Variants in MAP3K2 observed in about 807,000 individuals in gnomAD.
MAP3K2 encodes mitogen-activated protein kinase kinase kinase 2, also known as MAP/ERK kinase kinase 2.
In MAP3K2, 24 loss-of-function variants were observed where a neutral mutation model predicts 80.3. That is an observed-to-expected ratio of 0.30 (90% CI 0.22 to 0.42). The LOEUF is 0.42. Among genes scored for constraint, MAP3K2 ranks in the 10% least tolerant of loss-of-function variants. The pLI is 1.00. For missense variants in MAP3K2, 608 were observed against 750.1 expected (o/e 0.81, Z 2.21); for synonymous variants, 244 against 253.7 (o/e 0.96, Z 0.36).
In MAP3K2 at chr2:127,321,907, C is replaced by T. The variant is rs7591595; in HGVS notation, c.1045+139G>A. ...ATGCTTATACCTGACATTCCAACCA[C>T]CTTTAGAAACACCATTATTACCTTT... On this transcript the variant is annotated intron_variant, in intron 12 of 16. Coordinates refer to ENST00000682094, the MANE Select transcript of MAP3K2 (RefSeq NM_001371910.2). This position sits in a 1 kb window ranked among gnomAD's most constrained non-coding sequence, Gnocchi z 4.4. 27,350 of 696,510 alleles carry T rather than the reference C, an allele frequency of 0.039. 700 individuals are homozygous for T. Among genetic ancestry groups the T allele is most frequent in the Middle Eastern group, 0.057 (139 of 2,448 alleles). The allele number at this position is 696,510 out of a possible 1,614,324, so 43.1% of individuals were successfully genotyped here. A position where few individuals can be genotyped will look rare whatever the true frequency, so the allele number is the denominator to read the frequency against.
chr2:127,304,863 C>T lies in MAP3K2; in HGVS notation c.*2716G>A, dbSNP rs961811934. ...TTAACTTTTATTGTGGTTTTTGGTA[C>T]CTTCACAACTTGTTTGAAATAAATT... is the stretch of plus-strand genomic sequence containing the variant. On this transcript the variant is annotated 3_prime_UTR_variant, in exon 17 of 17. Transcript: ENST00000682094. The T allele has an allele frequency of 3.3e-5, 5 of 152,266 alleles. No individual in the cohort carries two copies. The highest frequency in any genetic ancestry group is 1.2e-4 in the African/African-American group (5 of 41,330). The allele number at this position is 152,266 out of a possible 1,614,324, so 9.4% of individuals were successfully genotyped here.
intron 5 of MAP3K2, among the ~76,000 whole-genome samples, chr2:127,332,337 T>A (rs559910724): frequency 2.6e-5 from 4 of 152,268 alleles, no homozygotes; most frequent in Non-Finnish European, 5.9e-5. Flanking sequence ...TATTCATTTA[T>A]AACTGGATTG....
intron 1 of MAP3K2, among the ~76,000 whole-genome samples, chr2:127,355,315 C>A (rs1290864522): frequency 1.9e-4 from 29 of 152,076 alleles, no homozygotes; most frequent in Admixed American, 1.9e-3. Context: ...ACTTTCTCAT[C>A]AGGAATAATG....
Position 127,307,848 on chromosome 2 carries a change from G to T in MAP3K2, c.1635-44C>A. On this transcript the variant is annotated intron_variant, in intron 16 of 16. Coordinates refer to ENST00000682094, the MANE Select transcript of MAP3K2 (RefSeq NM_001371910.2). The surrounding 1 kb of genome is among the most constrained non-coding windows in gnomAD (Gnocchi z 5.4). ...AAATACATTACACAAACAACAACAT[G>T]AAAGAAAGCTAGTTAGCTAGAAAAT... The T allele has an allele frequency of 7.5e-7, 1 of 1,331,498 alleles. No individual in the cohort carries two copies. Among genetic ancestry groups the T allele is most frequent in the Non-Finnish European group, 1.0e-6 (1 of 957,972 alleles). The allele number at this position is 1,331,498 out of a possible 1,614,324, so 82.5% of individuals were successfully genotyped here.
chr2:127,378,978 GTTGT>G (rs1687197187), intron 1 of MAP3K2, among the ~76,000 whole-genome samples: 1 of 93,930 alleles, frequency 1.1e-5, no homozygotes, highest in African/African-American at 4.4e-5. Flanking sequence ...GGGGTTTTTT[GTTGT>G]TTTTTTTTTT....
chr2:127,338,243 C>T (rs1410131614), intron 3 of MAP3K2, among the ~76,000 whole-genome samples: 2 of 152,186 alleles, frequency 1.3e-5, no homozygotes, highest in African/African-American at 4.8e-5. Flanking sequence ...ACAGTTACCA[C>T]ATTAAATGAA....
chr2:127,310,452 C>T lies in MAP3K2; in HGVS notation c.1457-1690G>A, dbSNP rs1685788483. 6.6e-6 allele frequency among the ~76,000 whole-genome samples: 1 copy of T among 152,132 alleles called. No individual in the cohort carries two copies. The highest frequency in any genetic ancestry group is 2.1e-4 in the South Asian group (1 of 4,828). ...TCGCTTGAGCTCAGGAATTCAAGGC[C>T]AGCCTAGGCAACGTGGTGAGACACC... On this transcript the variant is annotated intron_variant, in intron 15 of 16. Coordinates refer to ENST00000682094, the MANE Select transcript of MAP3K2 (RefSeq NM_001371910.2). The surrounding 1 kb of genome is among the most constrained non-coding windows in gnomAD (Gnocchi z 4.8).
intron 1 of MAP3K2, among the ~76,000 whole-genome samples, chr2:127,373,581 G>A (rs1687101728): frequency 6.6e-6 from 1 of 152,172 alleles, no homozygotes; most frequent in South Asian, 2.1e-4. Flanking sequence ...AAGGGAAATT[G>A]AAGAAGTAGA....
At chr2:127,341,777 C>T (rs1686497100) in intron 2 of MAP3K2, among the ~76,000 whole-genome samples, 1 of 151,928 alleles carries the variant, frequency 6.6e-6, no homozygotes, top group East Asian at 1.9e-4. Flanking sequence ...CGTGATCCAC[C>T]CGACTCGGCC....
Position 127,387,733 on chromosome 2 carries a change from AC to A in MAP3K2, c.-348del, listed in dbSNP as rs1478956386. On this transcript the variant is annotated 5_prime_UTR_variant, in exon 1 of 17. Coordinates refer to ENST00000682094, the MANE Select transcript of MAP3K2 (RefSeq NM_001371910.2). ...CTCCTCGGCACTTCTAGCCGCTGCAACCCCGAGGCCCGCGGGAACTGGGCAG... is the reference window on the plus strand; with the variant it reads ...CTCCTCGGCACTTCTAGCCGCTGCAACCCGAGGCCCGCGGGAACTGGGCAG... 1.0e-6 allele frequency: 1 copy of A among 984,682 alleles called. No individual in the cohort carries two copies. Among genetic ancestry groups the A allele is most frequent in the African/African-American group, 1.8e-5 (1 of 57,056 alleles). The allele number at this position is 984,682 out of a possible 1,614,324, so 61.0% of individuals were successfully genotyped here. A position where few individuals can be genotyped will look rare whatever the true frequency, so the allele number is the denominator to read the frequency against.
chr2:127,368,931 T>A (rs946897435), intron 1 of MAP3K2, among the ~76,000 whole-genome samples: 1 of 151,834 alleles, frequency 6.6e-6, no homozygotes, highest in African/African-American at 2.4e-5. Flanking sequence ...TGACTAGTAT[T>A]ATTATTCTCA....
intron 1 of MAP3K2, among the ~76,000 whole-genome samples, chr2:127,358,321 A>C (rs1380223047): frequency 1.3e-5 from 2 of 152,238 alleles, no homozygotes; most frequent in African/African-American, 2.4e-5. Flanking sequence ...ATGCTCATGC[A>C]CTACTGTTGA....
At position 127,303,474 on chromosome 2, in the gene MAP3K2, T is replaced by TGG; in HGVS notation, c.*4103_*4104dup. The TGG allele has an allele frequency of 6.6e-6, 1 of 152,212 alleles. No individual in the cohort carries two copies. Among genetic ancestry groups the TGG allele is most frequent in the East Asian group, 1.9e-4 (1 of 5,182 alleles). 9.4% of individuals were successfully genotyped at this position (152,212 alleles called of 1,614,324 possible). On this transcript the variant is annotated 3_prime_UTR_variant, in exon 17 of 17. Coordinates refer to ENST00000682094, the MANE Select transcript of MAP3K2 (RefSeq NM_001371910.2). ...GGTTGGGGAGGGGATCCCTCTAGTT[T>TGG]GGAGATACTTTTACTCTAATCCCTG... is the stretch of plus-strand genomic sequence containing the variant.
Position 127,307,556 on chromosome 2 carries a change from G to A in MAP3K2, c.*23C>T. ...AATGAATAGATGGGAGCTAGGTAGAGGCACAGGAGAGGTTACTGGCTGCTA... is the reference window on the plus strand; with the variant it reads ...AATGAATAGATGGGAGCTAGGTAGAAGCACAGGAGAGGTTACTGGCTGCTA... On this transcript the variant is annotated 3_prime_UTR_variant, in exon 17 of 17. Transcript: ENST00000682094. This position sits in a 1 kb window ranked among gnomAD's most constrained non-coding sequence, Gnocchi z 5.4. 1.3e-6 allele frequency: 2 copies of A among 1,495,708 alleles called. No homozygotes were observed. Among genetic ancestry groups the A allele is most frequent in the Non-Finnish European group, 1.8e-6 (2 of 1,096,566 alleles). The allele number at this position is 1,495,708 out of a possible 1,614,324, so 92.7% of individuals were successfully genotyped here. A position where few individuals can be genotyped will look rare whatever the true frequency, so the allele number is the denominator to read the frequency against.
At position 127,322,025 on chromosome 2, in the gene MAP3K2, A is replaced by C. The variant is rs1686030402; in HGVS notation, c.1045+21T>G. The C allele has an allele frequency of 1.3e-6, 2 of 1,598,732 alleles. No homozygotes were observed. The highest frequency in any genetic ancestry group is 1.1e-5 in the South Asian group (1 of 89,542). ...CAAAGATTCTGCTCTACATTTCACT[A>C]TACCAAGTTCTATTACTTACAACGG... On this transcript the variant is annotated intron_variant, in intron 12 of 16. Transcript: ENST00000682094. The surrounding 1 kb of genome is among the most constrained non-coding windows in gnomAD (Gnocchi z 4.2).
intron 1 of MAP3K2, among the ~76,000 whole-genome samples, chr2:127,372,789 G>A (rs539095190): frequency 7.2e-5 from 11 of 152,236 alleles, no homozygotes; most frequent in Admixed American, 2.6e-4. Flanking sequence ...CAAACAGCCC[G>A]TGAATTAGTT....
chr2:127,341,901 A>T (rs1447040837), intron 2 of MAP3K2, among the ~76,000 whole-genome samples: 2 of 152,094 alleles, frequency 1.3e-5, no homozygotes, highest in African/African-American at 4.8e-5. Context: ...TTGGAAAATA[A>T]TTTTTTCAAA....
chr2:127,325,782 C>G lies in MAP3K2; in HGVS notation c.623G>C (p.Ser208Thr). ...ACTTCCTGAGCCAGAATTTTCAGGG[C>G]TGCTTAAAGATAATGGATCCAGCAT... ...DQMLDPLSLS[S>T]PENSGSGSCP... The change falls in exon 9 of 17, where the codon AGC becomes ACC. Residue 208 changes from serine (S) to threonine (T), a missense_variant. By Grantham distance (58) the Ser-to-Thr change is moderately conservative. This residue lies in a region of MAP3K2 where 467 missense variants were observed against 521.9 expected (regional missense o/e 0.89). Transcript: ENST00000682094. 1 of 1,613,222 alleles carries G rather than the reference C, an allele frequency of 6.2e-7. No homozygotes were observed. Among genetic ancestry groups the G allele is most frequent in the Non-Finnish European group, 8.5e-7 (1 of 1,179,426 alleles).
intron 1 of MAP3K2, among the ~76,000 whole-genome samples, chr2:127,357,605 C>T (rs1407826789): frequency 3.9e-5 from 6 of 152,206 alleles, no homozygotes; most frequent in African/African-American, 1.2e-4. Flanking sequence ...TATTATAAAG[C>T]TATAATAATC....
Sources: gnomAD v4.1 joint callset for allele counts (sites outside exome capture counted in the v4.1 genomes callset) on GRCh38, gnomAD v4.1.1 for gene constraint, gnomAD v4.1.1 regional missense constraint, Gnocchi (gnomAD v3.1) non-coding constraint, MANE v1.5 for transcripts, NCBI Gene and HGNC (gene_info 2026-07-23, HGNC 2026-07-21) for gene names.